The following PCDHA5 variants were observed in gnomAD, a reference collection of about 807,000 sequenced individuals.
The protein encoded by PCDHA5 is protocadherin alpha-5.
A neutral mutation model predicts 61.6 loss-of-function variants in PCDHA5; 43 were observed. The observed-to-expected ratio is 0.70, with a 90% CI of 0.55 to 0.90. The LOEUF (loss-of-function observed/expected upper bound fraction) is 0.90, where lower values mean the gene tolerates loss of function less well. Ranked by LOEUF, PCDHA5 falls within the 40% of genes least tolerant of loss-of-function variation. PCDHA5 has a pLI of 0.00. For synonymous variants in PCDHA5, 627 were observed against 543.9 expected, an observed-to-expected ratio of 1.15 and a Z score of -2.13; for missense variants, 1,298 against 1,222.7, an observed-to-expected ratio of 1.06 and a Z score of -0.92.
intron 1 of PCDHA5, among the ~76,000 whole-genome samples, chr5:140,887,340 CCT>C (rs1554183026): frequency 1.3e-5 from 2 of 152,144 alleles, no homozygotes; most frequent in African/African-American, 4.8e-5. Flanking sequence ...TCGTGATCCA[CCT>C]GGCTCGGCCT....
At chr5:140,939,629 A>G (rs1250529725) in intron 1 of PCDHA5, among the ~76,000 whole-genome samples, 5 of 152,248 alleles carry the variant, frequency 3.3e-5, no homozygotes, top group African/African-American at 1.2e-4. Context: ...AAGAAAATCA[A>G]TAAGGGTACT....
intron 1 of PCDHA5, chr5:140,862,693 T>C (rs2047494827): frequency 1.8e-6 from 1 of 555,404 alleles, no homozygotes; most frequent in African/African-American, 1.9e-5. Flanking sequence ...GTCCTACTCG[T>C]TGATGGAACA....
At chr5:140,939,441 T>A (rs1471285631) in intron 1 of PCDHA5, among the ~76,000 whole-genome samples, 1 of 152,274 alleles carries the variant, frequency 6.6e-6, no homozygotes, top group East Asian at 1.9e-4. Flanking sequence ...TTTGAAGAAT[T>A]AAGAGTGAAA....
intron 1 of PCDHA5, 102 bp from the exon 2 acceptor site, chr5:140,978,847 G>GA: frequency 6.4e-7 from 1 of 1,570,216 alleles, no homozygotes; most frequent in Non-Finnish European, 8.6e-7. Context: ...TACTTTTTTA[G>GA]ATGCCTGGAA....
At chr5:140,920,199 C>G (rs2079510871) in intron 1 of PCDHA5, among the ~76,000 whole-genome samples, 1 of 152,116 alleles carries the variant, frequency 6.6e-6, no homozygotes, top group African/African-American at 2.4e-5. Flanking sequence ...GTCACAGCAG[C>G]CACAGAAAAC....
chr5:140,852,573 G>A, intron 1 of PCDHA5: 2 of 794,360 alleles, frequency 2.5e-6, no homozygotes, highest in Non-Finnish European at 3.1e-6. Flanking sequence ...ACTGTGCCAA[G>A]GCTTTTTTAT....
In PCDHA5 at chr5:140,876,415, G is replaced by T; in HGVS notation, c.2352+52288G>T. On this transcript the variant is annotated intron_variant, in intron 1 of 3. Transcript: ENST00000529859. Reference sequence around the variant, plus strand: ...TGAACTGGATTTTGAAGAGAATAATGCCTATGAAATTCAGGTTAACGCCAT... The same window carrying T: ...TGAACTGGATTTTGAAGAGAATAATTCCTATGAAATTCAGGTTAACGCCAT... The T allele has an allele frequency of 2.5e-6, 4 of 1,613,960 alleles. 1 individual carries two copies. The highest frequency in any genetic ancestry group is 3.4e-6 in the Non-Finnish European group (4 of 1,179,898).
intron 1 of PCDHA5, among the ~76,000 whole-genome samples, chr5:140,946,311 T>C (rs896667905): frequency 6.6e-6 from 1 of 151,784 alleles, no homozygotes; most frequent in Non-Finnish European, 1.5e-5. Flanking sequence ...AGAATGGCTA[T>C]TATTGAAAGA....
chr5:140,982,218 G>T, intron 2 of PCDHA5: 1 of 523,694 alleles, frequency 1.9e-6, no homozygotes, highest in South Asian at 3.9e-5. Flanking sequence ...GCCACATGGC[G>T]TTAATAAAAA....
intron 1 of PCDHA5, chr5:140,856,435 G>C (rs2043994865): frequency 6.3e-7 from 1 of 1,598,204 alleles, no homozygotes; most frequent in Non-Finnish European, 8.6e-7. Flanking sequence ...ACGACAACCC[G>C]CCCAGGTTCT....
chr5:140,931,136 C>T (rs2087318079), intron 1 of PCDHA5, among the ~76,000 whole-genome samples: 1 of 152,166 alleles, frequency 6.6e-6, no homozygotes, highest in African/African-American at 2.4e-5. Context: ...GTGATATTTG[C>T]AGTGGATACT....
chr5:140,906,702 T>C (rs1315678574), intron 1 of PCDHA5, among the ~76,000 whole-genome samples: 2 of 152,232 alleles, frequency 1.3e-5, no homozygotes, highest in African/African-American at 2.4e-5. Context: ...GGGCCATTTG[T>C]AGTCCTGCCT....
At chr5:140,877,801 C>T in intron 1 of PCDHA5, 1 of 1,613,416 alleles carries the variant, frequency 6.2e-7, no homozygotes, top group South Asian at 1.1e-5. Context: ...CCCAAGCCTT[C>T]AGCTGTCTCG....
At chr5:140,986,397 C>T (rs943993265) in intron 3 of PCDHA5, among the ~76,000 whole-genome samples, 8 of 152,280 alleles carry the variant, frequency 5.3e-5, no homozygotes, top group Admixed American at 3.9e-4. Flanking sequence ...AAGGGCCAGT[C>T]GCTCATGTTA....
At chr5:140,999,138 C>G (rs530740266) in intron 3 of PCDHA5, among the ~76,000 whole-genome samples, 1 of 152,258 alleles carries the variant, frequency 6.6e-6, no homozygotes, top group East Asian at 1.9e-4. Context: ...AATGTCACAG[C>G]CGGAAGTCTT....
intron 1 of PCDHA5, chr5:140,851,724 A>G: frequency 1.0e-6 from 1 of 967,484 alleles, no homozygotes; most frequent in Non-Finnish European, 1.2e-6. Context: ...CGAAACTTCG[A>G]GTTCTTTTGA....
intron 1 of PCDHA5, among the ~76,000 whole-genome samples, chr5:140,923,820 CG>C (rs1297703305): frequency 6.6e-6 from 1 of 152,106 alleles, no homozygotes; most frequent in Non-Finnish European, 1.5e-5. Flanking sequence ...TGAAAATAGA[CG>C]TCAGTGGCAG....
chr5:140,827,596 T>C (rs2150148363), intron 1 of PCDHA5, among the ~76,000 whole-genome samples: 13 of 152,200 alleles, frequency 8.5e-5, no homozygotes, highest in Non-Finnish European at 1.6e-4. Context: ...GAAAGACAGA[T>C]GTGGGCAAGT....
At chr5:140,842,314 G>A (rs1777869139) in intron 1 of PCDHA5, 6 of 1,607,200 alleles carry the variant, frequency 3.7e-6, no homozygotes, top group Non-Finnish European at 5.1e-6. Flanking sequence ...CTCCCATGGC[G>A]GGTCATTGCA....
Sources: allele counts gnomAD v4.1 joint callset (sites outside exome capture counted in the v4.1 genomes callset), GRCh38; gene constraint gnomAD v4.1.1; transcripts MANE v1.5; gene names NCBI Gene and HGNC (gene_info 2026-07-23, HGNC 2026-07-21).